Variants in PDE6B observed in about 807,000 individuals in gnomAD.
PDE6B encodes phosphodiesterase 6B, also known as rod cGMP-specific 3',5'-cyclic phosphodiesterase subunit beta.
A neutral mutation model predicts 109.0 loss-of-function variants in PDE6B; 106 were observed. The ratio of observed to expected loss-of-function variants is 0.97; its 90% CI spans 0.83 to 1.14. PDE6B has a LOEUF of 1.14. PDE6B is among the 50% of genes most tolerant of loss of function. The probability of loss-of-function intolerance (pLI) is 0.00; values close to 1 mark genes in which losing one functional copy is unlikely to be tolerated. For synonymous variants in PDE6B, 490 were observed against 471.3 expected, an observed-to-expected ratio of 1.04 and a Z score of -0.51; for missense variants, 1,193 against 1,155.6, an observed-to-expected ratio of 1.03 and a Z score of -0.47.
intron 20 of PDE6B, 117 bp from the exon 21 acceptor site, chr4:667,739 T>A: frequency 9.0e-7 from 1 of 1,116,674 alleles, no homozygotes; most frequent in South Asian, 1.2e-5. Flanking sequence ...TCCGTGGCGC[T>A]CCCTCCTCCT....
chr4:635,106 T>C (rs1734591366), intron 2 of PDE6B, among the ~76,000 whole-genome samples: 1 of 115,738 alleles, frequency 8.6e-6, no homozygotes, highest in Admixed American at 8.3e-5. Context: ...CCTCCTTACC[T>C]GCCTGCCCGC....
At chr4:641,077 T>G (rs1039770620) in intron 3 of PDE6B, among the ~76,000 whole-genome samples, 14 of 152,242 alleles carry the variant, frequency 9.2e-5, no homozygotes, top group African/African-American at 3.1e-4. Context: ...ACAAAGTAGC[T>G]TACTGGTATT....
At chr4:661,683 C>G (rs1424873950) in intron 12 of PDE6B, 1 of 154,056 alleles carries the variant, frequency 6.5e-6, no homozygotes, top group South Asian at 2.0e-4. Flanking sequence ...GAAGAGCCTC[C>G]TGGCGATGTC....
rs1560105401 is a variant in PDE6B, at chr4:636,146, C to T, written c.711+177C>T. 6.6e-6 allele frequency among the ~76,000 whole-genome samples: 1 copy of T among 152,028 alleles called. No homozygotes were observed. The highest frequency in any genetic ancestry group is 1.5e-5 in the Non-Finnish European group (1 of 67,980). On this transcript the variant is annotated intron_variant, in intron 3 of 21. Transcript: ENST00000496514. This position sits in a 1 kb window ranked among gnomAD's most constrained non-coding sequence, Gnocchi z 4.5. ...TGGCTTCTGTGGCTGTGCTGAGCTGCAATGGCCAGACCCATCTGCCACCTG... is the reference window on the plus strand; with the variant it reads ...TGGCTTCTGTGGCTGTGCTGAGCTGTAATGGCCAGACCCATCTGCCACCTG...
Position 663,273 on chromosome 4 carries a change from G to GT in PDE6B, c.1920+88dup, listed in dbSNP as rs1037621465. The GT allele has an allele frequency of 4.6e-5, 38 of 826,872 alleles. No individual in the cohort carries two copies. The highest frequency in any genetic ancestry group is 2.3e-4 in the Middle Eastern group (1 of 4,442). The allele number at this position is 826,872 out of a possible 1,614,324, so 51.2% of individuals were successfully genotyped here. ...GCAGGGCCGTATCCTGCGGAGCAGG[G>GT]TTCTGATGCAGCGGGTGAGCACTGG... On this transcript the variant is annotated intron_variant, in intron 15 of 21. Coordinates refer to ENST00000496514, the MANE Select transcript of PDE6B (RefSeq NM_000283.4). This position sits in a 1 kb window ranked among gnomAD's most constrained non-coding sequence, Gnocchi z 4.0.
rs1054422023 is a variant in PDE6B at position 650,729 on chromosome 4, C to T, written c.712-3123C>T. On this transcript the variant is annotated intron_variant, in intron 3 of 21. Coordinates refer to ENST00000496514, the MANE Select transcript of PDE6B (RefSeq NM_000283.4). ...GAGGCGAGAAGGCTGGTTGGGGAGG[C>T]TGCGTAGATGCCGTTTCAGAGCAGG... Among the ~76,000 whole-genome samples the T allele has an allele frequency of 5.3e-5, 8 of 152,192 alleles. No homozygotes were observed. The South Asian group carries it at 1.0e-3, about 20-fold the overall frequency.
chr4:667,481 TGTGTGCC>T (rs1454722481), intron 20 of PDE6B, among the ~76,000 whole-genome samples: 1 of 152,216 alleles, frequency 6.6e-6, no homozygotes, highest in Non-Finnish European at 1.5e-5. Context: ...GCTTGCATGA[TGTGTGCC>T]GTGTGTGTGT....
intron 3 of PDE6B, among the ~76,000 whole-genome samples, chr4:639,545 G>C (rs943151703): frequency 6.6e-6 from 1 of 152,220 alleles, no homozygotes; most frequent in Non-Finnish European, 1.5e-5. Context: ...GGGAGCCCAG[G>C]CTTCTGGGCA....
At chr4:654,701 G>T in intron 5 of PDE6B, 123 bp from the exon 6 acceptor site, 1 of 782,234 alleles carries the variant, frequency 1.3e-6, no homozygotes, top group East Asian at 2.4e-5. Context: ...ACACATGCAC[G>T]GTTACGTGTG....
chr4:657,222 C>A, intron 9 of PDE6B, 129 bp from the exon 10 acceptor site: 2 of 1,218,784 alleles, frequency 1.6e-6, no homozygotes, highest in Non-Finnish European at 1.2e-6. Context: ...AGACCCCACA[C>A]AGAAGCACTG....
At chr4:656,659 T>C (rs1393581654) in intron 8 of PDE6B, among the ~76,000 whole-genome samples, 1 of 152,176 alleles carries the variant, frequency 6.6e-6, no homozygotes, top group African/African-American at 2.4e-5. Context: ...AAACGGCCTC[T>C]ACCTCCTCCG....
chr4:659,949 T>C (rs536277222), intron 11 of PDE6B, among the ~76,000 whole-genome samples: 4 of 152,312 alleles, frequency 2.6e-5, no homozygotes, highest in African/African-American at 7.2e-5. Context: ...AGCATGGGAA[T>C]GTGCCTGGTG....
rs1474540299 is a variant in PDE6B, at chr4:663,175, G to A, written c.1908G>A (p.Leu636=). 1.3e-6 allele frequency: 2 copies of A among 1,595,668 alleles called. No homozygotes were observed. The highest frequency in any genetic ancestry group is 1.7e-6 in the Non-Finnish European group (2 of 1,163,176). The change falls in exon 15 of 22, where the codon CTG becomes CTA. Residue 636 remains leucine, a synonymous_variant. Coordinates refer to ENST00000496514, the MANE Select transcript of PDE6B (RefSeq NM_000283.4). The surrounding 1 kb of genome is among the most constrained non-coding windows in gnomAD (Gnocchi z 4.0). ...ERHHLEFGKF[L]LSEETLNIYQ... is the part of the protein sequence containing the mutation. ...ACCACCTGGAGTTTGGGAAGTTCCTGCTCTCGGAGGAGGTTGGTATACTCA... is the reference window on the plus strand; with the variant it reads ...ACCACCTGGAGTTTGGGAAGTTCCTACTCTCGGAGGAGGTTGGTATACTCA...
rs530971866 is a variant in PDE6B at position 636,290 on chromosome 4, G to A, written c.711+321G>A. 1.5e-4 allele frequency among the ~76,000 whole-genome samples: 23 copies of A among 152,334 alleles called. No homozygotes were observed. The highest frequency in any genetic ancestry group is 2.9e-4 in the African/African-American group (12 of 41,576). On this transcript the variant is annotated intron_variant, in intron 3 of 21. Coordinates refer to ENST00000496514, the MANE Select transcript of PDE6B (RefSeq NM_000283.4). This position sits in a 1 kb window ranked among gnomAD's most constrained non-coding sequence, Gnocchi z 4.5. ...AGTATGAGTGACGAGTGAGCAGGGA[G>A]CAGAGGGGCTCCCTGGCAGGTCCAG... is the stretch of plus-strand genomic sequence containing the variant.
At chr4:654,051 C>G in intron 4 of PDE6B, 29 bp from the exon 5 acceptor site, 2 of 1,613,340 alleles carry the variant, frequency 1.2e-6, no homozygotes, top group Non-Finnish European at 1.7e-6. Context: ...CCGCAGTGAC[C>G]GCCCCACCCT....
chr4:632,551 C>T (rs946851211), intron 1 of PDE6B, among the ~76,000 whole-genome samples: 4 of 146,010 alleles, frequency 2.7e-5, no homozygotes, highest in African/African-American at 7.7e-5. Context: ...TGCATGGTGC[C>T]GTCTGGGGGT....
In PDE6B at chr4:664,192, C is replaced by T. The variant is rs756145629; in HGVS notation, c.2100C>T (p.Ser700=). ...QDKKSWVEYL[S]LETTRKEIVM... ...AGAAGAGCTGGGTGGAGTACCTGTC[C>T]CTGGAGACGACCCGGAAGGAGATCG... is the stretch of plus-strand genomic sequence containing the variant. Residue 700 remains serine, a synonymous_variant, in exon 17 of 22, where the codon TCC becomes TCT. Coordinates refer to ENST00000496514, the MANE Select transcript of PDE6B (RefSeq NM_000283.4). The T allele has an allele frequency of 2.3e-5, 37 of 1,607,932 alleles. No individual in the cohort carries two copies. In the East Asian group the frequency reaches 2.5e-4, roughly 11 times the overall value.
intron 1 of PDE6B, among the ~76,000 whole-genome samples, chr4:628,519 G>C (rs1407603314): frequency 2.0e-5 from 3 of 152,218 alleles, no homozygotes; most frequent in Non-Finnish European, 4.4e-5. Context: ...TGCCTCTCAA[G>C]GGTGCTGCAG....
intron 3 of PDE6B, among the ~76,000 whole-genome samples, chr4:637,076 T>C (rs1054770084): frequency 6.6e-6 from 1 of 152,264 alleles, no homozygotes; most frequent in Non-Finnish European, 1.5e-5. Flanking sequence ...TGTGGACTTA[T>C]GAGTATTGTA....
Sources: gnomAD v4.1 joint callset for allele counts (sites outside exome capture counted in the v4.1 genomes callset) on GRCh38, gnomAD v4.1.1 for gene constraint, Gnocchi (gnomAD v3.1) non-coding constraint, MANE v1.5 for transcripts, NCBI Gene and HGNC (gene_info 2026-07-23, HGNC 2026-07-21) for gene names.